ST6GALNAC5: variants seen among roughly 807,000 people sequenced by gnomAD.
ST6GALNAC5 encodes alpha-N-acetylgalactosaminide alpha-2,6-sialyltransferase 5.
A neutral mutation model predicts 33.6 loss-of-function variants in ST6GALNAC5; 27 were observed. The ratio of observed to expected loss-of-function variants is 0.80; its 90% CI spans 0.59 to 1.11. The LOEUF (loss-of-function observed/expected upper bound fraction) is 1.11, where lower values mean the gene tolerates loss of function less well. Ranked by LOEUF, ST6GALNAC5 falls within the 50% of genes least tolerant of loss-of-function variation. ST6GALNAC5 has a pLI of 0.00. For missense variants in ST6GALNAC5, 428 were observed against 454.0 expected, an observed-to-expected ratio of 0.94 and a Z score of 0.52; for synonymous variants, 194 against 171.2, an observed-to-expected ratio of 1.13 and a Z score of -1.04.
chr1:76,886,810 T>A (rs1242088583), intron 2 of ST6GALNAC5, among the ~76,000 whole-genome samples: 1 of 152,212 alleles, frequency 6.6e-6, no homozygotes, highest in East Asian at 1.9e-4. Flanking sequence ...ATATTTGTCA[T>A]CTTGTGTCTG....
At chr1:76,873,498 T>C (rs1653557636) in intron 2 of ST6GALNAC5, among the ~76,000 whole-genome samples, 1 of 152,140 alleles carries the variant, frequency 6.6e-6, no homozygotes, top group East Asian at 1.9e-4. Flanking sequence ...TAAGTATGTA[T>C]GGAAAGAAAG....
intron 2 of ST6GALNAC5, among the ~76,000 whole-genome samples, chr1:77,000,902 A>G (rs1206732943): frequency 1.3e-5 from 2 of 151,894 alleles, no homozygotes; most frequent in South Asian, 2.1e-4. Context: ...TAGCCTTGTA[A>G]TATAGTTTGA....
At chr1:77,048,649 G>A (rs1189371370) in intron 3 of ST6GALNAC5, among the ~76,000 whole-genome samples, 3 of 152,158 alleles carry the variant, frequency 2.0e-5, no homozygotes, top group African/African-American at 7.2e-5. Context: ...ACAGCCCCCA[G>A]TAGCAGAATG....
chr1:76,874,292 G>A (rs1653576258), intron 2 of ST6GALNAC5, among the ~76,000 whole-genome samples: 1 of 152,128 alleles, frequency 6.6e-6, no homozygotes, highest in Admixed American at 6.5e-5. Context: ...TCCTCGGCAT[G>A]ACATAGGGTC....
At chr1:77,025,847 C>T (rs1486676140) in intron 2 of ST6GALNAC5, among the ~76,000 whole-genome samples, 1 of 152,140 alleles carries the variant, frequency 6.6e-6, no homozygotes, top group Non-Finnish European at 1.5e-5. Flanking sequence ...CTGCCAGGCC[C>T]CAGAGACCCA....
chr1:76,958,788 T>A (rs1648110258), intron 2 of ST6GALNAC5, among the ~76,000 whole-genome samples: 1 of 152,070 alleles, frequency 6.6e-6, no homozygotes, highest in South Asian at 2.1e-4. Context: ...ATGCTTACTT[T>A]CTTCTGCTTC....
At chr1:77,015,914 A>T (rs753858437) in intron 2 of ST6GALNAC5, among the ~76,000 whole-genome samples, 3 of 151,924 alleles carry the variant, frequency 2.0e-5, no homozygotes, top group Non-Finnish European at 2.9e-5. Context: ...CTGTTCGGGG[A>T]GGCGTGTGTG....
At chr1:76,883,398 A>C (rs2100925386) in intron 2 of ST6GALNAC5, among the ~76,000 whole-genome samples, 1 of 152,346 alleles carries the variant, frequency 6.6e-6, no homozygotes, top group African/African-American at 2.4e-5. Context: ...ATATTTGTTG[A>C]ATGTTGGGTA....
In ST6GALNAC5 at chr1:76,868,440, G is replaced by C; in HGVS notation, c.16-57G>C. On this transcript the variant is annotated intron_variant, in intron 1 of 4. Coordinates refer to ENST00000477717, the MANE Select transcript of ST6GALNAC5 (RefSeq NM_030965.3). This position sits in a 1 kb window ranked among gnomAD's most constrained non-coding sequence, Gnocchi z 4.3. ...CCGCACAGTTGTCCCCGCTGGGCGC[G>C]CTCCTCCGGTGTCTGCGCTCAGCCG... 1.3e-6 allele frequency: 2 copies of C among 1,547,038 alleles called. No homozygotes were observed. Among genetic ancestry groups the C allele is most frequent in the Non-Finnish European group, 1.7e-6 (2 of 1,144,812 alleles).
chr1:76,982,052 G>A (rs1467757652), intron 2 of ST6GALNAC5, among the ~76,000 whole-genome samples: 4 of 152,166 alleles, frequency 2.6e-5, no homozygotes, highest in Admixed American at 2.6e-4. Context: ...ACAAAGATGG[G>A]GAGAAACCAG....
chr1:76,930,789 T>C (rs1207625378), intron 2 of ST6GALNAC5, among the ~76,000 whole-genome samples: 2 of 152,170 alleles, frequency 1.3e-5, no homozygotes, highest in Admixed American at 6.6e-5. Flanking sequence ...TGTATTCATG[T>C]ATTCATTAAC....
At chr1:76,909,311 C>T (rs1488356616) in intron 2 of ST6GALNAC5, among the ~76,000 whole-genome samples, 1 of 152,106 alleles carries the variant, frequency 6.6e-6, no homozygotes, top group East Asian at 1.9e-4. Flanking sequence ...TAACTGCCAA[C>T]ACCCATCTCT....
At chr1:77,027,670 G>A (rs1651297978) in intron 2 of ST6GALNAC5, among the ~76,000 whole-genome samples, 1 of 152,150 alleles carries the variant, frequency 6.6e-6, no homozygotes. Flanking sequence ...TTCTGGCATG[G>A]GAAGCCAGGT....
At chr1:76,986,936 A>C (rs1464898419) in intron 2 of ST6GALNAC5, among the ~76,000 whole-genome samples, 2 of 152,176 alleles carry the variant, frequency 1.3e-5, no homozygotes, top group Non-Finnish European at 2.9e-5. Context: ...CAAACACCAC[A>C]TGTTCTCACT....
At chr1:77,001,543 G>T (rs1233505065) in intron 2 of ST6GALNAC5, among the ~76,000 whole-genome samples, 5 of 148,842 alleles carry the variant, frequency 3.4e-5, no homozygotes, top group Admixed American at 6.7e-5. Flanking sequence ...AATAGGAGTG[G>T]TGAGAGAGGG....
chr1:76,912,185 C>G (rs1646920890), intron 2 of ST6GALNAC5, among the ~76,000 whole-genome samples: 1 of 152,060 alleles, frequency 6.6e-6, no homozygotes, highest in African/African-American at 2.4e-5. Flanking sequence ...GTTATGTACC[C>G]AGTAGTCATT....
At chr1:77,012,100 A>T (rs1268482001) in intron 2 of ST6GALNAC5, among the ~76,000 whole-genome samples, 1 of 152,172 alleles carries the variant, frequency 6.6e-6, no homozygotes, top group Non-Finnish European at 1.5e-5. Flanking sequence ...CACTGTGCTG[A>T]TCCAAGTGGC....
In ST6GALNAC5 at chr1:77,063,058, G is replaced by A. The variant is rs761648265; in HGVS notation, c.863G>A (p.Arg288Gln). Residue 288 changes from arginine (R) to glutamine (Q), a missense_variant, in exon 5 of 5, where the codon CGA (arginine) becomes CAA (glutamine). Transcript: ENST00000477717. Reference protein sequence around the residue: ...DECTMYLSHERGRKGSHHRFI... With the variant: ...DECTMYLSHEQGRKGSHHRFI... ...TGTACAATGTACCTCTCCCATGAGC[G>A]AGGACGCAAGGGCAGTCATCACCGC... 8 of 1,613,720 alleles carry A rather than the reference G, an allele frequency of 5.0e-6. No homozygotes were observed. The highest frequency in any genetic ancestry group is 2.2e-5 in the East Asian group (1 of 44,864).
chr1:77,037,787 G>T (rs1651700773), intron 2 of ST6GALNAC5, among the ~76,000 whole-genome samples: 1 of 152,154 alleles, frequency 6.6e-6, no homozygotes, highest in African/African-American at 2.4e-5. Flanking sequence ...GGGCTTAGAT[G>T]AAGATGGTGG....
Sources: gnomAD v4.1 joint callset for allele counts (sites outside exome capture counted in the v4.1 genomes callset) on GRCh38, gnomAD v4.1.1 for gene constraint, Gnocchi (gnomAD v3.1) non-coding constraint, MANE v1.5 for transcripts, NCBI Gene and HGNC (gene_info 2026-07-23, HGNC 2026-07-21) for gene names.